CEP128: variants seen among roughly 807,000 people sequenced by gnomAD.
The protein encoded by CEP128 is centrosomal protein 128kDa.
Under a neutral mutation model 156.7 loss-of-function variants are expected in CEP128, and 132 were observed. The observed-to-expected ratio is 0.84, with a 90% CI of 0.73 to 0.97. CEP128 has a LOEUF of 0.97. Ranked by LOEUF, CEP128 falls within the 50% of genes least tolerant of loss-of-function variation. The pLI is 0.00. For synonymous variants in CEP128, 469 were observed against 448.9 expected (o/e 1.04, Z -0.57); for missense variants, 1,252 against 1,281.9 (o/e 0.98, Z 0.36).
chr14:80,744,263 G>A (rs1898983783), intron 18 of CEP128, among the ~76,000 whole-genome samples: 1 of 152,224 alleles, frequency 6.6e-6, no homozygotes, highest in South Asian at 2.1e-4. Context: ...TTTCAGTCAA[G>A]TCTTAGGACC....
At chr14:80,810,341 A>AAAAAAAAAAAAAAAAAAAAAAAAAAAC in intron 13 of CEP128, among the ~76,000 whole-genome samples, 1 of 148,642 alleles carries the variant, frequency 6.7e-6, no homozygotes. Context: ...AAAAAAAAAA[A>AAAAAAAAAAAAAAAAAAAAAAAAAAAC]AAAAAAAGAA....
At chr14:80,740,539 T>TAGAC (rs1473988852) in intron 19 of CEP128, among the ~76,000 whole-genome samples, 37 of 131,104 alleles carry the variant, frequency 2.8e-4, no homozygotes, top group East Asian at 2.8e-3. Context: ...GATAGATAGA[T>TAGAC]AGATAGACAG....
At chr14:80,485,997 C>T (rs1199463603), downstream of CEP128, among the ~76,000 whole-genome samples, 6 of 152,166 alleles carry the variant, frequency 3.9e-5, no homozygotes, top group Admixed American at 2.6e-4. Context: ...ATGCTGTTTG[C>T]TCCATTTACT....
At chr14:80,510,268 T>A (rs1165258972) in intron 23 of CEP128, among the ~76,000 whole-genome samples, 1 of 152,148 alleles carries the variant, frequency 6.6e-6, no homozygotes, top group Non-Finnish European at 1.5e-5. Flanking sequence ...ATCTTTCCAT[T>A]TTTTTGTATG....
chr14:80,584,141 ATTTTTTT>A (rs992004088), intron 19 of CEP128, among the ~76,000 whole-genome samples: 1 of 117,372 alleles, frequency 8.5e-6, no homozygotes, highest in African/African-American at 3.5e-5. Flanking sequence ...CGTCCGTGAC[ATTTTTTT>A]TTTTTTTTTT....
chr14:80,618,944 T>G (rs1893346584), intron 19 of CEP128, among the ~76,000 whole-genome samples: 1 of 152,226 alleles, frequency 6.6e-6, no homozygotes, highest in Non-Finnish European at 1.5e-5. Flanking sequence ...AGCTAAAGGC[T>G]GCATCATTAG....
chr14:80,884,622 C>T (rs1475994505), intron 8 of CEP128, among the ~76,000 whole-genome samples: 2 of 152,150 alleles, frequency 1.3e-5, no homozygotes, highest in African/African-American at 2.4e-5. Context: ...CTGTGCTATC[C>T]GGCCCAGACA....
At chr14:80,708,987 T>G (rs1897312006) in intron 19 of CEP128, among the ~76,000 whole-genome samples, 1 of 152,124 alleles carries the variant, frequency 6.6e-6, no homozygotes, top group African/African-American at 2.4e-5. Flanking sequence ...GATTTTCTAT[T>G]CTGTTCTAGT....
chr14:80,539,419 G>A lies in CEP128; in HGVS notation c.2881-8533C>T, dbSNP rs1431692051. The stretch of plus-strand genomic sequence containing the variant: ...GGGACCGGCTGGAGCCGCGGCAGAG[G>A]AGCATAACTTGTGAAGATTTCAAGG... On this transcript the variant is annotated intron_variant, in intron 21 of 24. Coordinates refer to ENST00000555265, the MANE Select transcript of CEP128 (RefSeq NM_152446.5). 3.9e-5 allele frequency among the ~76,000 whole-genome samples: 6 copies of A among 152,270 alleles called. No individual in the cohort carries two copies. The East Asian group carries it at 9.7e-4, about 25-fold the overall frequency.
intron 19 of CEP128, among the ~76,000 whole-genome samples, chr14:80,647,029 G>A (rs1331749667): frequency 0.01 from 658 of 63,022 alleles, 42 homozygotes; most frequent in Non-Finnish European, 0.015. Flanking sequence ...GTATATATAT[G>A]TGTGCATGTA....
intron 9 of CEP128, among the ~76,000 whole-genome samples, chr14:80,859,825 T>TCA (rs1210198341): frequency 2.0e-5 from 3 of 152,180 alleles, no homozygotes; most frequent in Non-Finnish European, 4.4e-5. Flanking sequence ...TAAGGACCCG[T>TCA]GAGATAACAG....
intron 19 of CEP128, among the ~76,000 whole-genome samples, chr14:80,684,078 A>G (rs549384829): frequency 9.7e-4 from 147 of 152,310 alleles, no homozygotes; most frequent in Admixed American, 3.1e-3. Context: ...GCAGAGAAAA[A>G]GAAATAACTG....
At chr14:80,946,034 A>G (rs1421254490), upstream of CEP128, among the ~76,000 whole-genome samples, 1 of 152,220 alleles carries the variant, frequency 6.6e-6, no homozygotes, top group Non-Finnish European at 1.5e-5. Flanking sequence ...ACTTCAAACA[A>G]GTTACTTAAT....
chr14:80,591,387 C>A (rs1892060978), intron 19 of CEP128, among the ~76,000 whole-genome samples: 3 of 151,562 alleles, frequency 2.0e-5, no homozygotes. Flanking sequence ...GACTTTAAAC[C>A]AACAAAGATC....
intron 19 of CEP128, among the ~76,000 whole-genome samples, chr14:80,688,049 T>G (rs1896587271): frequency 6.6e-6 from 1 of 152,194 alleles, no homozygotes; most frequent in African/African-American, 2.4e-5. Flanking sequence ...AGAACAAGTT[T>G]CCATCTGATT....
At chr14:80,555,111 G>C (rs1890375471) in intron 21 of CEP128, among the ~76,000 whole-genome samples, 1 of 152,048 alleles carries the variant, frequency 6.6e-6, no homozygotes, top group Admixed American at 6.6e-5. Flanking sequence ...CAGAACGTCA[G>C]AATGACTCCT....
chr14:80,896,086 C>T (rs1414863112), intron 7 of CEP128, among the ~76,000 whole-genome samples: 1 of 152,118 alleles, frequency 6.6e-6, no homozygotes, highest in Non-Finnish European at 1.5e-5. Context: ...TTGAGAACCG[C>T]TGCTACGCTG....
chr14:80,657,123 T>G (rs1437557035), intron 19 of CEP128, among the ~76,000 whole-genome samples: 3 of 151,742 alleles, frequency 2.0e-5, no homozygotes, highest in African/African-American at 4.8e-5. Context: ...CCATGCATGG[T>G]GGTGGGTGCC....
intron 18 of CEP128, 68 bp from the exon 19 acceptor site, chr14:80,743,335 GA>G (rs1331883312): frequency 8.9e-6 from 11 of 1,232,320 alleles, no homozygotes; most frequent in Admixed American, 2.5e-5. Flanking sequence ...AAAACATGAA[GA>G]AAAAAATAAG....
Sources: gnomAD v4.1 joint callset for allele counts (sites outside exome capture counted in the v4.1 genomes callset) on GRCh38, gnomAD v4.1.1 for gene constraint, MANE v1.5 for transcripts, NCBI Gene and HGNC (gene_info 2026-07-23, HGNC 2026-07-21) for gene names.